LDB2: variants seen among roughly 807,000 people sequenced by gnomAD.
LDB2 encodes the protein LIM domain-binding protein 2.
LDB2 carries 12 observed loss-of-function variants against 44.3 expected under a neutral mutation model. That is an observed-to-expected ratio of 0.27 (90% CI 0.17 to 0.44). The LOEUF is 0.44. Ranked by LOEUF, LDB2 falls within the 20% of genes least tolerant of loss-of-function variation. The pLI is 1.00. For synonymous variants in LDB2, 164 were observed against 174.8 expected, an observed-to-expected ratio of 0.94 and a Z score of 0.49; for missense variants, 344 against 473.5, an observed-to-expected ratio of 0.73 and a Z score of 2.54.
chr4:16,583,379 C>T (rs1012112476), intron 5 of LDB2, among the ~76,000 whole-genome samples: 3 of 152,112 alleles, frequency 2.0e-5, no homozygotes, highest in African/African-American at 7.2e-5. Flanking sequence ...CCAAAGTATC[C>T]ATCTGACCTC....
intron 2 of LDB2, among the ~76,000 whole-genome samples, chr4:16,689,521 T>A (rs184925498): frequency 1.6e-3 from 240 of 152,314 alleles, no homozygotes; most frequent in Non-Finnish European, 2.7e-3. Context: ...GTCTTTGTGG[T>A]ATCTCCAGGC....
chr4:16,713,577 T>C (rs547178103), intron 2 of LDB2, among the ~76,000 whole-genome samples: 3 of 152,288 alleles, frequency 2.0e-5, no homozygotes, highest in East Asian at 3.9e-4. Flanking sequence ...CTGTGAATCA[T>C]TGTGTAGTCT....
At chr4:16,623,765 TAC>T (rs35051593) in intron 2 of LDB2, among the ~76,000 whole-genome samples, 58,820 of 146,716 alleles carry the variant, frequency 0.4, 11,505 homozygotes, top group East Asian at 0.6. Context: ...GAAATATACA[TAC>T]ACACACACAC....
At chr4:16,552,613 C>A (rs970847252) in intron 5 of LDB2, among the ~76,000 whole-genome samples, 1 of 152,124 alleles carries the variant, frequency 6.6e-6, no homozygotes. Context: ...TCATAATTTT[C>A]TGTTTTTAAG....
intron 2 of LDB2, among the ~76,000 whole-genome samples, chr4:16,597,174 A>G (rs1216422013): frequency 6.6e-6 from 1 of 152,194 alleles, no homozygotes; most frequent in Non-Finnish European, 1.5e-5. Flanking sequence ...AAGTATAAAG[A>G]AAATACCCTG....
intron 1 of LDB2, among the ~76,000 whole-genome samples, chr4:16,789,759 A>G (rs764604320): frequency 1.3e-5 from 2 of 152,150 alleles, no homozygotes; most frequent in Non-Finnish European, 2.9e-5. Flanking sequence ...GTGAAACCCC[A>G]TCTGTACTAA....
chr4:16,898,588 C>T lies in LDB2; in HGVS notation c.-103G>A, dbSNP rs1366440507. ...AGTACAAAGTAGACGCACGCACACA[C>T]GCTCACACACACACAGAGGCAGGCA... On this transcript the variant is annotated 5_prime_UTR_variant, in exon 1 of 8. The change creates a new upstream start codon in the 5' untranslated region. Transcript: ENST00000304523. The T allele has an allele frequency of 7.8e-6, 9 of 1,155,806 alleles. No individual in the cohort carries two copies. Among genetic ancestry groups the T allele is most frequent in the Non-Finnish European group, 1.1e-5 (9 of 814,078 alleles). The allele number at this position is 1,155,806 out of a possible 1,614,324, so 71.6% of individuals were successfully genotyped here.
chr4:16,817,053 C>A (rs544127352), intron 1 of LDB2, among the ~76,000 whole-genome samples: 4 of 152,068 alleles, frequency 2.6e-5, no homozygotes, highest in Non-Finnish European at 4.4e-5. Flanking sequence ...GTGGGGGGAA[C>A]AGGCCCTGTG....
In LDB2 at chr4:16,755,520, TGTGTATGTGA is replaced by T. The variant is rs1168559547; in HGVS notation, c.235+3628_235+3637del. Among the ~76,000 whole-genome samples, 182 of 53,324 alleles carry T rather than the reference TGTGTATGTGA, an allele frequency of 3.4e-3. 1 individual carries two copies. The highest frequency in any genetic ancestry group is 0.024 in the East Asian group (64 of 2,652). The allele number at this position is 53,324 out of a possible 152,430, so 35.0% of individuals were successfully genotyped here. A position where few individuals can be genotyped will look rare whatever the true frequency, so the allele number is the denominator to read the frequency against. On this transcript the variant is annotated intron_variant, in intron 2 of 7. Coordinates refer to ENST00000304523, the MANE Select transcript of LDB2 (RefSeq NM_001290.5). ...GTGTGTGTGTGTGTGTGTGTGTGTGTGTGTATGTGAGAGAGAGAGAGACAGACAGACAGAG... is the reference window on the plus strand; with the variant it reads ...GTGTGTGTGTGTGTGTGTGTGTGTGTGAGAGAGAGAGACAGACAGACAGAG...
chr4:16,540,424 T>C (rs1308750481), intron 5 of LDB2, among the ~76,000 whole-genome samples: 3 of 152,222 alleles, frequency 2.0e-5, no homozygotes, highest in African/African-American at 7.2e-5. Context: ...AATGGAAATT[T>C]GCGGTCTTAT....
intron 5 of LDB2, among the ~76,000 whole-genome samples, chr4:16,514,188 G>A (rs567767447): frequency 2.1e-4 from 32 of 152,228 alleles, no homozygotes; most frequent in Admixed American, 1.9e-3. Flanking sequence ...CATTTTTCCT[G>A]TATCTTTGGG....
chr4:16,542,106 G>GGC (rs1553889185), intron 5 of LDB2, among the ~76,000 whole-genome samples: 2 of 147,462 alleles, frequency 1.4e-5, no homozygotes, highest in African/African-American at 2.5e-5. Flanking sequence ...GGTGGTGGGG[G>GGC]GGGGGGCGCG....
intron 1 of LDB2, among the ~76,000 whole-genome samples, chr4:16,860,917 A>T (rs1712332320): frequency 1.7e-5 from 1 of 60,136 alleles, no homozygotes; most frequent in South Asian, 4.8e-4. Flanking sequence ...TACAGCTATA[A>T]AAAAAAAATC....
At chr4:16,512,208 T>A (rs1560318579) in intron 5 of LDB2, 104 bp from the exon 6 acceptor site, 1 of 1,101,448 alleles carries the variant, frequency 9.1e-7, no homozygotes, top group Admixed American at 2.9e-5. Flanking sequence ...AGAATACTTT[T>A]ATTTTCCTGG....
At chr4:16,713,790 C>T (rs1756446309) in intron 2 of LDB2, among the ~76,000 whole-genome samples, 1 of 152,158 alleles carries the variant, frequency 6.6e-6, no homozygotes, top group Admixed American at 6.5e-5. Context: ...ATCCTCTACT[C>T]CCTGACATTC....
At chr4:16,529,539 G>A (rs1729414238) in intron 5 of LDB2, among the ~76,000 whole-genome samples, 1 of 152,142 alleles carries the variant, frequency 6.6e-6, no homozygotes, top group African/African-American at 2.4e-5. Context: ...TTCATTGTGT[G>A]TTTTCCCACA....
intron 5 of LDB2, among the ~76,000 whole-genome samples, chr4:16,539,441 A>G (rs145554217): frequency 7.2e-4 from 110 of 152,310 alleles, no homozygotes; most frequent in African/African-American, 2.5e-3. Flanking sequence ...CCCTCTGGTC[A>G]CATACACAGA....
intron 5 of LDB2, among the ~76,000 whole-genome samples, chr4:16,583,215 T>C (rs779835386): frequency 1.3e-5 from 2 of 152,242 alleles, no homozygotes; most frequent in Non-Finnish European, 2.9e-5. Flanking sequence ...TGTAATTGCC[T>C]ACTTTCTGCT....
At chr4:16,582,000 GGGAAGGAAGGAAGGAAGGAAGGAAGGAA>G (rs35585551) in intron 5 of LDB2, among the ~76,000 whole-genome samples, 1 of 103,818 alleles carries the variant, frequency 9.6e-6, no homozygotes, top group South Asian at 3.4e-4. Flanking sequence ...AGGGAAGGAA[GGGAAGGAAGGAAGGAAGGAAGGAAGGAA>G]GGAAGGAAGG....
Sources: allele counts gnomAD v4.1 joint callset (sites outside exome capture counted in the v4.1 genomes callset), GRCh38; gene constraint gnomAD v4.1.1; transcripts MANE v1.5; gene names NCBI Gene and HGNC (gene_info 2026-07-23, HGNC 2026-07-21).